The following INTS7 variants were observed in gnomAD, a reference collection of about 807,000 sequenced individuals.
INTS7 encodes integrator complex subunit 7.
INTS7 carries 46 observed loss-of-function variants against 109.2 expected under a neutral mutation model. The ratio of observed to expected loss-of-function variants is 0.42; its 90% CI spans 0.33 to 0.54. INTS7 has a LOEUF of 0.54. INTS7 is among the 20% of genes least tolerant of loss of function. The pLI, the probability that INTS7 is intolerant of heterozygous loss-of-function variation, is 0.07. For synonymous variants in INTS7, 412 were observed against 402.9 expected (o/e 1.02, Z -0.27); for missense variants, 929 against 1,132.4 (o/e 0.82, Z 2.58).
At chr1:212,035,219 A>G (rs1245798029) in intron 1 of INTS7, 125 bp downstream of exon 1, 8 of 695,076 alleles carry the variant, frequency 1.2e-5, no homozygotes, top group Non-Finnish European at 2.6e-6. Flanking sequence ...GCAAAAGCAC[A>G]GGCGCTCCCC....
intron 10 of INTS7, among the ~76,000 whole-genome samples, chr1:211,979,999 T>C (rs777548740): frequency 1.4e-4 from 21 of 152,200 alleles, no homozygotes; most frequent in Non-Finnish European, 2.6e-4. Flanking sequence ...GCTCCTCTAT[T>C]ACAGGAACCT....
chr1:211,973,716 C>A (rs971674381), intron 13 of INTS7, among the ~76,000 whole-genome samples: 3 of 152,176 alleles, frequency 2.0e-5, no homozygotes, highest in Non-Finnish European at 4.4e-5. Flanking sequence ...TGGGAAGTTT[C>A]CAACAACTCT....
intron 1 of INTS7, among the ~76,000 whole-genome samples, chr1:212,023,494 T>C (rs776774410): frequency 4.5e-4 from 69 of 152,234 alleles, no homozygotes; most frequent in Non-Finnish European, 9.4e-4. Context: ...ATTTCTCTGA[T>C]GATTACTGAA....
chr1:212,007,536 ATTGCACTTG>A, intron 5 of INTS7, 87 bp from the exon 6 acceptor site: 3 of 971,322 alleles, frequency 3.1e-6, no homozygotes, highest in Admixed American at 1.9e-5. Context: ...ATTTAGCAAA[ATTGCACTTG>A]AAAAACACAG....
chr1:211,997,244 G>GA lies in INTS7; in HGVS notation c.880-9242dup, dbSNP rs1306936721. The stretch of plus-strand genomic sequence containing the variant: ...ACTGATGAGAAACTGAAGAAGAGCT[G>GA]AAAAAAAAGAGAGAGATAGGCCAGG... On this transcript the variant is annotated intron_variant, in intron 7 of 19. Coordinates refer to ENST00000366994, the MANE Select transcript of INTS7 (RefSeq NM_015434.4). Among the ~76,000 whole-genome samples the GA allele has an allele frequency of 4.6e-5, 7 of 151,492 alleles. No homozygotes were observed. The South Asian group carries it at 1.3e-3, about 27-fold the overall frequency.
intron 13 of INTS7, among the ~76,000 whole-genome samples, chr1:211,973,412 T>C (rs2970573): frequency 0.043 from 6,582 of 152,340 alleles, 191 homozygotes; most frequent in African/African-American, 0.074. Context: ...AATCATTGTA[T>C]TGAGAAATTA....
In INTS7 at chr1:212,021,426, A is replaced by AT. The variant is rs1279191938; in HGVS notation, c.95-215dup. On this transcript the variant is annotated intron_variant, in intron 1 of 19. Transcript: ENST00000366994. ...TTTAGATACATAATAATGAAAAAAAATTTTTTAAAGGTAAGAGTTAAGAAT... is the reference window on the plus strand; with the variant it reads ...TTTAGATACATAATAATGAAAAAAAATTTTTTTAAAGGTAAGAGTTAAGAAT... Among the ~76,000 whole-genome samples the AT allele has an allele frequency of 6.6e-5, 10 of 152,246 alleles. No individual in the cohort carries two copies. The East Asian group carries it at 1.2e-3, about 18-fold the overall frequency.
chr1:212,018,247 T>G (rs1219854959), intron 3 of INTS7, among the ~76,000 whole-genome samples: 1 of 152,214 alleles, frequency 6.6e-6, no homozygotes, highest in Non-Finnish European at 1.5e-5. Context: ...GATTTCAATC[T>G]AATTTTTTTT....
chr1:211,952,313 T>A (rs562959171), intron 17 of INTS7: 1 of 301,464 alleles, frequency 3.3e-6, no homozygotes, highest in East Asian at 6.0e-5. Flanking sequence ...AAAGAAAAAA[T>A]TTTATTTGCA....
intron 13 of INTS7, among the ~76,000 whole-genome samples, chr1:211,971,570 ACAAG>A (rs750189343): frequency 4.6e-5 from 7 of 152,212 alleles, no homozygotes; most frequent in African/African-American, 7.2e-5. Context: ...AAATTCAAAA[ACAAG>A]CAACATAAAA....
At position 211,982,778 on chromosome 1, in the gene INTS7, A is replaced by C. The variant is rs1664719425; in HGVS notation, c.1030T>G (p.Leu344Val). ...NVSSSPRSSD[L>V]VKLAQECCYH... ...CAGCACTCTTGGGCTAATTTGACTA[A>C]ATCAGAAGATCTGGGAGAAGAACTC... The change falls in exon 9 of 20, where the codon TTA becomes GTA. Residue 344 changes from leucine to valine, a missense_variant. By Grantham distance (32) the Leu-to-Val change is conservative. Coordinates refer to ENST00000366994, the MANE Select transcript of INTS7 (RefSeq NM_015434.4). 3 of 1,610,016 alleles carry C rather than the reference A, an allele frequency of 1.9e-6. No individual in the cohort carries two copies. The highest frequency in any genetic ancestry group is 2.5e-6 in the Non-Finnish European group (3 of 1,177,882).
chr1:211,965,280 T>C (rs1288165690), intron 16 of INTS7, among the ~76,000 whole-genome samples: 1 of 152,076 alleles, frequency 6.6e-6, no homozygotes, highest in South Asian at 2.1e-4. Context: ...TGGCTATTAT[T>C]ACATCATCAA....
At chr1:211,974,276 A>AATATATATATATATATAT (rs58474002) in intron 13 of INTS7, among the ~76,000 whole-genome samples, 5 of 92,308 alleles carry the variant, frequency 5.4e-5, no homozygotes, top group African/African-American at 8.5e-5. Flanking sequence ...AGAAAAAAAA[A>AATATATATATATATATAT]ATATATATAT....
At chr1:212,035,298 T>A (rs575355956) in intron 1 of INTS7, 46 bp downstream of exon 1, 2 of 1,303,514 alleles carry the variant, frequency 1.5e-6, no homozygotes, top group Admixed American at 1.7e-5. Flanking sequence ...GTGGCGCCAC[T>A]TCCCCCCACG....
Position 211,942,928 on chromosome 1 carries a change from T to A in INTS7, c.2602-817A>T, listed in dbSNP as rs1456374884. Among the ~76,000 whole-genome samples the A allele has an allele frequency of 6.6e-6, 1 of 152,210 alleles. No homozygotes were observed. Among genetic ancestry groups the A allele is most frequent in the African/African-American group, 2.4e-5 (1 of 41,460 alleles). On this transcript the variant is annotated intron_variant, in intron 19 of 19. Transcript: ENST00000366994. The surrounding 1 kb of genome is among the most constrained non-coding windows in gnomAD (Gnocchi z 4.2). ...AAATTACTCTAGGTTTATGTGCGTGTTTCTGTGGTGTAATTAATTATATAA... is the reference window on the plus strand; with the variant it reads ...AAATTACTCTAGGTTTATGTGCGTGATTCTGTGGTGTAATTAATTATATAA...
chr1:211,956,464 ATTT>A (rs965295231), intron 16 of INTS7, among the ~76,000 whole-genome samples: 4 of 152,106 alleles, frequency 2.6e-5, no homozygotes, highest in Non-Finnish European at 4.4e-5. Context: ...TTTTAAAAAA[ATTT>A]TTGTCTATGC....
chr1:212,001,997 C>A (rs1372159562), intron 7 of INTS7, among the ~76,000 whole-genome samples: 1 of 152,180 alleles, frequency 6.6e-6, no homozygotes, highest in Non-Finnish European at 1.5e-5. Flanking sequence ...AAACTCCAGG[C>A]ATATGTCCTT....
At position 212,006,779 on chromosome 1, in the gene INTS7, C is replaced by A; in HGVS notation, c.757-18G>T. 1.9e-6 allele frequency: 3 copies of A among 1,584,484 alleles called. No individual in the cohort carries two copies. The highest frequency in any genetic ancestry group is 1.7e-5 in the Admixed American group (1 of 57,770). ...AGCTGAATCTATAAAGGAAATAAGT[C>A]ACTCCATAAACAATACTGTAACTGA... On this transcript the variant is annotated intron_variant, in intron 6 of 19. Coordinates refer to ENST00000366994, the MANE Select transcript of INTS7 (RefSeq NM_015434.4).
chr1:211,998,529 G>A (rs975485035), intron 7 of INTS7, among the ~76,000 whole-genome samples: 1 of 152,132 alleles, frequency 6.6e-6, no homozygotes. Context: ...TGCCTACCTT[G>A]TACCATACAC....
Sources: gnomAD v4.1 joint callset for allele counts (sites outside exome capture counted in the v4.1 genomes callset) on GRCh38, gnomAD v4.1.1 for gene constraint, Gnocchi (gnomAD v3.1) non-coding constraint, MANE v1.5 for transcripts, NCBI Gene and HGNC (gene_info 2026-07-23, HGNC 2026-07-21) for gene names.